Variants in CDC42BPA observed in about 807,000 individuals in gnomAD.
The protein encoded by CDC42BPA is CDC42 binding protein kinase alpha, also known as serine/threonine-protein kinase MRCK alpha.
Under a neutral mutation model 223.5 loss-of-function variants are expected in CDC42BPA, and 80 were observed. The ratio of observed to expected loss-of-function variants is 0.36; its 90% CI spans 0.30 to 0.43. The LOEUF is 0.43. Ranked by LOEUF, CDC42BPA falls within the 20% of genes least tolerant of loss-of-function variation. The probability of loss-of-function intolerance (pLI) is 1.00; values close to 1 mark genes in which losing one functional copy is unlikely to be tolerated. For synonymous variants in CDC42BPA, 694 were observed against 718.6 expected (o/e 0.97, Z 0.55); for missense variants, 1,743 against 2,099.9 (o/e 0.83, Z 3.32).
intron 12 of CDC42BPA, among the ~76,000 whole-genome samples, chr1:227,117,252 A>G (rs1687908457): frequency 6.6e-6 from 1 of 152,156 alleles, no homozygotes; most frequent in Non-Finnish European, 1.5e-5. Context: ...ATAAATATAG[A>G]TAGTAAGAAC....
intron 34 of CDC42BPA, among the ~76,000 whole-genome samples, chr1:227,009,888 A>G (rs973288949): frequency 1.3e-5 from 2 of 152,242 alleles, no homozygotes; most frequent in African/African-American, 4.8e-5. Flanking sequence ...GAATAATTTT[A>G]TAATACAAAC....
chr1:227,097,100 C>T (rs981119265), intron 15 of CDC42BPA, among the ~76,000 whole-genome samples: 1 of 151,834 alleles, frequency 6.6e-6, no homozygotes, highest in African/African-American at 2.4e-5. Context: ...CAGTACTTTC[C>T]TCCTCTCCTC....
At position 227,076,764 on chromosome 1, in the gene CDC42BPA, T is replaced by C. The variant is rs183911444; in HGVS notation, c.2481-2400A>G. ...ATATTTTCAATTTCATTATTTCCAT[T>C]GGTTCCTTTAAACATGTACAAACTC... On this transcript the variant is annotated intron_variant, in intron 17 of 36. Coordinates refer to ENST00000366766, the MANE Select transcript of CDC42BPA (RefSeq NM_001394014.1). 3.5e-4 allele frequency among the ~76,000 whole-genome samples: 53 copies of C among 152,300 alleles called. 1 individual carries two copies. The Middle Eastern group carries it at 0.01, about 29-fold the overall frequency.
intron 3 of CDC42BPA, among the ~76,000 whole-genome samples, chr1:227,211,604 AATCTT>A (rs1355501304): frequency 2.0e-5 from 3 of 152,190 alleles, no homozygotes; most frequent in African/African-American, 7.2e-5. Context: ...AAATATATGA[AATCTT>A]ATCTTCTGCA....
At chr1:227,043,071 T>C (rs535851975) in intron 23 of CDC42BPA, among the ~76,000 whole-genome samples, 1 of 152,308 alleles carries the variant, frequency 6.6e-6, no homozygotes, top group Non-Finnish European at 1.5e-5. Flanking sequence ...AAAGAGTATC[T>C]CACACAACCC....
intron 6 of CDC42BPA, among the ~76,000 whole-genome samples, chr1:227,150,523 CA>C (rs1358516773): frequency 1.3e-5 from 2 of 152,056 alleles, no homozygotes; most frequent in Non-Finnish European, 2.9e-5. Context: ...CATTTTCACA[CA>C]AGACTGAGTA....
chr1:227,239,968 T>A (rs1333554885), intron 2 of CDC42BPA, among the ~76,000 whole-genome samples: 1 of 152,090 alleles, frequency 6.6e-6, no homozygotes, highest in Non-Finnish European at 1.5e-5. Flanking sequence ...GTAAAAAGGA[T>A]GCGTCCCTAT....
Position 227,199,551 on chromosome 1 carries a change from TCTTA to T in CDC42BPA, c.450+2_450+5del, listed in dbSNP as rs751280995. 5 of 1,481,138 alleles carry T rather than the reference TCTTA, an allele frequency of 3.4e-6. No individual in the cohort carries two copies. Among genetic ancestry groups the T allele is most frequent in the Non-Finnish European group, 3.8e-6 (4 of 1,064,384 alleles). 91.7% of individuals were successfully genotyped at this position (1,481,138 alleles called of 1,614,324 possible). On this transcript the variant is annotated splice_donor_variant and splice_donor_5th_base_variant and intron_variant, in intron 4 of 36. Transcript: ENST00000366766. LOFTEE classifies it high-confidence loss of function. ...CAGTATATAGAAATACAAAAATGATTCTTACTAAGTTATTGTCATCCTGGAAAGC... is the reference window on the plus strand; with the variant it reads ...CAGTATATAGAAATACAAAAATGATTCTAAGTTATTGTCATCCTGGAAAGC...
At chr1:227,041,207 T>C (rs1671299691) in intron 23 of CDC42BPA, among the ~76,000 whole-genome samples, 2 of 152,176 alleles carry the variant, frequency 1.3e-5, no homozygotes, top group Admixed American at 6.5e-5. Flanking sequence ...TACCTGAGTA[T>C]ATTATATGAT....
intron 9 of CDC42BPA, among the ~76,000 whole-genome samples, chr1:227,141,032 G>T (rs1029488341): frequency 7.2e-5 from 11 of 152,198 alleles, no homozygotes; most frequent in Non-Finnish European, 1.5e-4. Flanking sequence ...TGCCCTAGAA[G>T]ACAGGAGAAG....
At chr1:227,198,419 C>T (rs1471598575) in intron 4 of CDC42BPA, among the ~76,000 whole-genome samples, 1 of 93,398 alleles carries the variant, frequency 1.1e-5, no homozygotes, top group African/African-American at 4.1e-5. Flanking sequence ...AATTGGGCAA[C>T]AGAGCAAGAT....
chr1:227,122,630 T>C (rs777058252), intron 11 of CDC42BPA, among the ~76,000 whole-genome samples: 1 of 152,220 alleles, frequency 6.6e-6, no homozygotes, highest in Admixed American at 6.5e-5. Context: ...AAAACATTCA[T>C]TTAAACAACA....
rs776399718 is a variant in CDC42BPA, at chr1:227,139,591, T to C, written c.1375A>G (p.Ser459Gly). The change falls in exon 10 of 37, where the codon AGT becomes GGT. Residue 459 changes from serine (S) to glycine (G), a missense_variant. Ser to Gly is a moderately conservative substitution (Grantham distance 56). Around this residue, in one of 6 missense-constraint regions of CDC42BPA, gnomAD observed 464 missense variants for 488.0 expected, o/e 0.95. Coordinates refer to ENST00000366766, the MANE Select transcript of CDC42BPA (RefSeq NM_001394014.1). ...KRLEQEKLEL[S>G]RKLQESTQTV... ...ATATATTTACCTTGAAGTTTTCTAC[T>C]GAGTTCAAGTTTTTCTTGCTCAAGG... 7 of 1,590,644 alleles carry C rather than the reference T, an allele frequency of 4.4e-6. No homozygotes were observed. The South Asian group carries it at 4.6e-5, about 11-fold the overall frequency.
intron 3 of CDC42BPA, among the ~76,000 whole-genome samples, chr1:227,205,637 A>G (rs1672590199): frequency 6.6e-6 from 1 of 152,188 alleles, no homozygotes; most frequent in African/African-American, 2.4e-5. Context: ...CAATAGAAAA[A>G]CTAATAAAAC....
intron 2 of CDC42BPA, among the ~76,000 whole-genome samples, chr1:227,252,271 A>G (rs1367180313): frequency 2.0e-5 from 3 of 152,086 alleles, no homozygotes; most frequent in Non-Finnish European, 4.4e-5. Context: ...AAGAAAAATA[A>G]AAAGAGAGAG....
intron 34 of CDC42BPA, among the ~76,000 whole-genome samples, chr1:227,007,448 T>C (rs929553986): frequency 1.3e-5 from 2 of 152,230 alleles, no homozygotes; most frequent in African/African-American, 4.8e-5. Flanking sequence ...AATGAAATTA[T>C]AAGAGACCAA....
rs115337938 is a variant in CDC42BPA, at chr1:227,108,830, A to C, written c.2001+3482T>G. On this transcript the variant is annotated intron_variant, in intron 14 of 36. Transcript: ENST00000366766. The stretch of plus-strand genomic sequence containing the variant: ...TAGGTGATTTTGTCCTTGTGTGAAC[A>C]TAAGTTGTACTTCCACAAACCTAGA... 6.0e-3 allele frequency among the ~76,000 whole-genome samples: 907 copies of C among 152,238 alleles called. 10 individuals are homozygous for C. Among genetic ancestry groups the C allele is most frequent in the African/African-American group, 0.021 (853 of 41,544 alleles).
In CDC42BPA at chr1:227,317,541, A is replaced by C. The variant is rs1694604303; in HGVS notation, c.-359T>G. 2 of 398,280 alleles carry C rather than the reference A, an allele frequency of 5.0e-6. No homozygotes were observed. Among genetic ancestry groups the C allele is most frequent in the African/African-American group, 4.1e-5 (2 of 48,544 alleles). 24.7% of individuals were successfully genotyped at this position (398,280 alleles called of 1,614,324 possible). A position where few individuals can be genotyped will look rare whatever the true frequency, so the allele number is the denominator to read the frequency against. ...AAAAAAAAAAAAACTCTTCTCCTTC[A>C]TTCAAAATTCAACTCGTGCAACGTA... On this transcript the variant is annotated 5_prime_UTR_variant, in exon 1 of 37. The change abolishes an upstream ATG in the 5' untranslated region. Coordinates refer to ENST00000366766, the MANE Select transcript of CDC42BPA (RefSeq NM_001394014.1).
At chr1:227,201,418 C>CA (rs1671736461) in intron 3 of CDC42BPA, among the ~76,000 whole-genome samples, 1 of 152,162 alleles carries the variant, frequency 6.6e-6, no homozygotes, top group Non-Finnish European at 1.5e-5. Context: ...GCTAGGACTA[C>CA]AGGCATGAGC....
Sources: allele counts gnomAD v4.1 joint callset (sites outside exome capture counted in the v4.1 genomes callset), GRCh38; gene constraint gnomAD v4.1.1; regional missense constraint gnomAD v4.1.1; transcripts MANE v1.5; gene names NCBI Gene and HGNC (gene_info 2026-07-23, HGNC 2026-07-21).